Variants in LINGO1 observed in about 807,000 individuals in gnomAD.
LINGO1 encodes the protein leucine-rich repeat and immunoglobulin-like domain-containing nogo receptor-interacting protein 1.
LINGO1 carries 11 observed loss-of-function variants against 37.3 expected under a neutral mutation model. That is an observed-to-expected ratio of 0.29 (90% confidence interval 0.19 to 0.49). LINGO1 has a LOEUF of 0.49. Among genes scored for constraint, LINGO1 ranks in the 20% least tolerant of loss-of-function variants. The pLI is 0.99. For synonymous variants in LINGO1, 387 were observed against 403.0 expected, an observed-to-expected ratio of 0.96 and a Z score of 0.48; for missense variants, 585 against 878.2, an observed-to-expected ratio of 0.67 and a Z score of 4.22.
intron 1 of LINGO1, among the ~76,000 whole-genome samples, chr15:77,777,538 C>A (rs1045554756): frequency 1.4e-4 from 22 of 152,274 alleles, no homozygotes; most frequent in Non-Finnish European, 2.8e-4. Context: ...GCCATTCACT[C>A]TCCCTCCAGG....
At chr15:77,773,783 T>C (rs1440878111) in intron 1 of LINGO1, among the ~76,000 whole-genome samples, 1 of 151,614 alleles carries the variant, frequency 6.6e-6, no homozygotes, top group Non-Finnish European at 1.5e-5. Context: ...GGGCAAAGCT[T>C]CTCTTCCAAA....
At chr15:77,804,735 T>G (rs1229522228) in intron 1 of LINGO1, among the ~76,000 whole-genome samples, 1 of 152,176 alleles carries the variant, frequency 6.6e-6, no homozygotes, top group Non-Finnish European at 1.5e-5. Context: ...ACTTCTCTCG[T>G]CCTCCTGCTT....
rs142320194 is a variant in LINGO1 at position 77,656,730 on chromosome 15, A to C, written c.-13+20359T>G. On this transcript the variant is annotated intron_variant, in intron 3 of 3. Transcript: ENST00000559893. ...ATTCAGAAGCTGCCCCCAGTGTGTT[A>C]GGCACCCTCTGCCTCCCCCGTCCCT... is the stretch of plus-strand genomic sequence containing the variant. Among the ~76,000 whole-genome samples the C allele has an allele frequency of 2.5e-4, 38 of 152,216 alleles. No individual in the cohort carries two copies. In the East Asian group the frequency reaches 6.8e-3, roughly 27 times the overall value.
intron 3 of LINGO1, among the ~76,000 whole-genome samples, chr15:77,659,083 G>C (rs1459263955): frequency 6.6e-6 from 1 of 152,184 alleles, no homozygotes; most frequent in African/African-American, 2.4e-5. Context: ...TGGAGAAGCT[G>C]GCTGGGACTA....
intron 1 of LINGO1, among the ~76,000 whole-genome samples, chr15:77,782,580 C>G (rs1284074849): frequency 6.6e-6 from 1 of 152,138 alleles, no homozygotes; most frequent in African/African-American, 2.4e-5. Flanking sequence ...AACCAGGATG[C>G]CTGCACCTCC....
At chr15:77,709,964 C>T (rs897806212) in intron 2 of LINGO1, among the ~76,000 whole-genome samples, 3 of 152,220 alleles carry the variant, frequency 2.0e-5, no homozygotes, top group African/African-American at 7.2e-5. Flanking sequence ...GCATCCCAGA[C>T]CCTCCTCAGG....
intron 1 of LINGO1, among the ~76,000 whole-genome samples, chr15:77,768,511 C>A (rs1872297049): frequency 6.6e-6 from 1 of 152,170 alleles, no homozygotes; most frequent in Non-Finnish European, 1.5e-5. Context: ...GTGAGGAGAG[C>A]CATGAAGGAA....
At chr15:77,766,846 G>A (rs2076534932) in intron 1 of LINGO1, among the ~76,000 whole-genome samples, 1 of 152,018 alleles carries the variant, frequency 6.6e-6, no homozygotes, top group African/African-American at 2.4e-5. Flanking sequence ...CACCAAATAA[G>A]AAAGAAGCTT....
At chr15:77,736,810 G>T (rs1049860234) in intron 1 of LINGO1, among the ~76,000 whole-genome samples, 1 of 152,132 alleles carries the variant, frequency 6.6e-6, no homozygotes, top group Non-Finnish European at 1.5e-5. Flanking sequence ...AAAGAAAAAA[G>T]AAAAGAAACG....
intron 1 of LINGO1, among the ~76,000 whole-genome samples, chr15:77,621,056 G>C (rs1469974042): frequency 1.4e-5 from 2 of 138,434 alleles, no homozygotes; most frequent in African/African-American, 6.5e-5. Context: ...CAGGTTTGGG[G>C]CCTTTTTTTT....
intron 2 of LINGO1, among the ~76,000 whole-genome samples, chr15:77,733,627 A>G (rs1454668161): frequency 2.0e-5 from 3 of 152,226 alleles, no homozygotes; most frequent in Non-Finnish European, 2.9e-5. Context: ...GAAGGGAACA[A>G]AGTGCTCCCT....
At chr15:77,670,442 C>A (rs759675616) in intron 3 of LINGO1, among the ~76,000 whole-genome samples, 3 of 152,218 alleles carry the variant, frequency 2.0e-5, no homozygotes, top group Non-Finnish European at 4.4e-5. Flanking sequence ...TAATTTTCAA[C>A]CTCTATTTTA....
At chr15:77,686,256 G>A (rs973862338) in intron 2 of LINGO1, among the ~76,000 whole-genome samples, 1 of 152,140 alleles carries the variant, frequency 6.6e-6, no homozygotes, top group African/African-American at 2.4e-5. Context: ...CAACCGTGCT[G>A]GAAGCCCTGC....
intron 3 of LINGO1, among the ~76,000 whole-genome samples, chr15:77,656,714 C>T (rs2074874599): frequency 6.6e-6 from 1 of 152,222 alleles, no homozygotes; most frequent in Non-Finnish European, 1.5e-5. Flanking sequence ...TATTCAGAAG[C>T]TGCCCCCAGT....
intron 1 of LINGO1, among the ~76,000 whole-genome samples, chr15:77,781,962 A>G (rs1170416940): frequency 1.3e-5 from 2 of 152,228 alleles, no homozygotes; most frequent in African/African-American, 4.8e-5. Context: ...GGCAGAGGGA[A>G]GCAGCCTGGG....
At chr15:77,617,475 G>A (rs944304766) in intron 1 of LINGO1, among the ~76,000 whole-genome samples, 5 of 152,180 alleles carry the variant, frequency 3.3e-5, no homozygotes, top group African/African-American at 1.2e-4. Context: ...TGCCCCTGGG[G>A]CTTTGCTGCT....
chr15:77,794,415 TAC>T (rs2141451135), intron 2 of LINGO1, among the ~76,000 whole-genome samples: 7 of 45,814 alleles, frequency 1.5e-4, no homozygotes, highest in East Asian at 1.2e-3. Context: ...TATGTGTATA[TAC>T]ATACGTATAT....
At chr15:77,677,567 ATG>A (rs938505892) in intron 2 of LINGO1, among the ~76,000 whole-genome samples, 8 of 151,918 alleles carry the variant, frequency 5.3e-5, no homozygotes, top group African/African-American at 1.9e-4. Context: ...CTACCAACAA[ATG>A]TGTCCCCTGC....
rs1462162648 is a variant in LINGO1 at position 77,681,933 on chromosome 15, C to T, written c.-98-4759G>A. Among the ~76,000 whole-genome samples, 5 of 152,128 alleles carry T rather than the reference C, an allele frequency of 3.3e-5. No homozygotes were observed. In the South Asian group the frequency reaches 1.0e-3, roughly 32 times the overall value. ...CTAACTCATCTGCTTCTCACACACGCCCTCGAGGAGGGTACCCTGACCATC... is the reference window on the plus strand; with the variant it reads ...CTAACTCATCTGCTTCTCACACACGTCCTCGAGGAGGGTACCCTGACCATC... On this transcript the variant is annotated intron_variant, in intron 2 of 3. Transcript: ENST00000559893.
Sources: allele counts gnomAD v4.1 joint callset (sites outside exome capture counted in the v4.1 genomes callset), GRCh38; gene constraint gnomAD v4.1.1; transcripts MANE v1.5; gene names NCBI Gene and HGNC (gene_info 2026-07-23, HGNC 2026-07-21).